LYPD8: variants seen among roughly 807,000 people sequenced by gnomAD.
LYPD8 encodes LY6/PLAUR domain containing 8, also known as ly6/PLAUR domain-containing protein 8.
In LYPD8, 8 loss-of-function variants were observed where a neutral mutation model predicts 1.7. The ratio of observed to expected loss-of-function variants is 4.58; its 90% CI spans 2.69 to 8.27. The LOEUF (loss-of-function observed/expected upper bound fraction) is 8.27. Among genes scored for constraint, LYPD8 ranks in the 30% most tolerant of loss-of-function variants. The probability of loss-of-function intolerance (pLI) is 0.00; values close to 1 mark genes in which losing one functional copy is unlikely to be tolerated. For synonymous variants in LYPD8, 50 were observed against 43.6 expected, an observed-to-expected ratio of 1.15 and a Z score of -0.58; for missense variants, 112 against 102.3, an observed-to-expected ratio of 1.09 and a Z score of -0.41.
Position 248,744,281 on chromosome 1 carries a change from G to C in LYPD8, c.475+861C>G, listed in dbSNP as rs531410845. 7.2e-5 allele frequency among the ~76,000 whole-genome samples: 11 copies of C among 152,322 alleles called. No homozygotes were observed. The South Asian group carries it at 2.3e-3, about 32-fold the overall frequency. ...CATCCAGATACTCACTGAAGTGCCT[G>C]GGCTTGAGATGTCCACCCAAGGGAA... On this transcript the variant is annotated intron_variant, in intron 6 of 6. Coordinates refer to ENST00000590317, the MANE Select transcript of LYPD8 (RefSeq NM_001085474.2).
intron 2 of LYPD8, among the ~76,000 whole-genome samples, chr1:248,754,645 C>T (rs963376754): frequency 1.3e-5 from 2 of 152,092 alleles, no homozygotes; most frequent in African/African-American, 2.4e-5. Context: ...ACACCACACA[C>T]CCTACCCTGA....
In LYPD8 at chr1:248,739,534, G is replaced by A; in HGVS notation, c.*77C>T. 2 of 1,537,130 alleles carry A rather than the reference G, an allele frequency of 1.3e-6. No homozygotes were observed. Among genetic ancestry groups the A allele is most frequent in the South Asian group, 2.4e-5 (2 of 82,874 alleles). On this transcript the variant is annotated 3_prime_UTR_variant, in exon 7 of 7. Coordinates refer to ENST00000590317, the MANE Select transcript of LYPD8 (RefSeq NM_001085474.2). The surrounding 1 kb of genome is among the most constrained non-coding windows in gnomAD (Gnocchi z 4.3). The stretch of plus-strand genomic sequence containing the variant: ...AAACGGGGCAGAGCAGGGAAAGAGG[G>A]TGTCAGCACCGCAGGGGGTGCTCTG...
chr1:248,743,752 A>C (rs560322434), intron 6 of LYPD8, among the ~76,000 whole-genome samples: 1 of 152,260 alleles, frequency 6.6e-6, no homozygotes, highest in Non-Finnish European at 1.5e-5. Context: ...ATTCACATCC[A>C]GGCCCAACCC....
intron 6 of LYPD8, among the ~76,000 whole-genome samples, chr1:248,743,059 G>A (rs1007207624): frequency 1.3e-5 from 2 of 151,022 alleles, no homozygotes; most frequent in Admixed American, 6.6e-5. Flanking sequence ...TGTTGGCAGC[G>A]GGGGAGGTTA....
intron 6 of LYPD8, among the ~76,000 whole-genome samples, chr1:248,741,332 G>C (rs1446605833): frequency 1.3e-5 from 2 of 152,174 alleles, no homozygotes; most frequent in Non-Finnish European, 2.9e-5. Flanking sequence ...TCAGCCCCCT[G>C]AGTAGTACGG....
chr1:248,754,171 CATT>C (rs1286632239), intron 2 of LYPD8, among the ~76,000 whole-genome samples: 2 of 150,342 alleles, frequency 1.3e-5, no homozygotes, highest in African/African-American at 4.9e-5. Context: ...ATGTCACACA[CATT>C]AGGTACACAC....
At chr1:248,753,052 CA>C (rs1662846373) in intron 2 of LYPD8, among the ~76,000 whole-genome samples, 1 of 111,362 alleles carries the variant, frequency 9.0e-6, no homozygotes, top group African/African-American at 4.2e-5. Flanking sequence ...ACACATCACA[CA>C]CACACCCCAC....
intron 4 of LYPD8, 135 bp from the exon 5 acceptor site, chr1:248,748,588 G>A (rs1662750001): frequency 2.5e-6 from 1 of 395,320 alleles, no homozygotes; most frequent in East Asian, 3.6e-5. Context: ...GAAGACACTG[G>A]AGAGGGTTTT....
At chr1:248,751,500 C>T (rs1662802102) in intron 2 of LYPD8, among the ~76,000 whole-genome samples, 1 of 152,068 alleles carries the variant, frequency 6.6e-6, no homozygotes, top group Non-Finnish European at 1.5e-5. Context: ...GCACAATGTC[C>T]CTCCTTCAGC....
intron 2 of LYPD8, among the ~76,000 whole-genome samples, chr1:248,752,629 CCA>C (rs1421720852): frequency 4.5e-5 from 5 of 110,994 alleles, no homozygotes; most frequent in African/African-American, 1.3e-4. Context: ...CACACACACA[CCA>C]CACACCCCAC....
intron 3 of LYPD8, 35 bp from the exon 4 acceptor site, chr1:248,750,678 T>A (rs1662785702): frequency 5.0e-6 from 2 of 398,518 alleles, no homozygotes; most frequent in Admixed American, 8.8e-5. Context: ...CAGTCAACAT[T>A]CAGTAGACAT....
intron 2 of LYPD8, among the ~76,000 whole-genome samples, chr1:248,753,263 TCA>T (rs1488415227): frequency 1.5e-4 from 3 of 20,328 alleles, no homozygotes; most frequent in Admixed American, 5.4e-4. Context: ...ACACACCGCA[TCA>T]CACACACACC....
Position 248,739,552 on chromosome 1 carries a change from G to A in LYPD8, c.*59C>T, listed in dbSNP as rs73148521. Reference sequence around the variant, plus strand: ...AAAGAGGGTGTCAGCACCGCAGGGGGTGCTCTGGACCTCAGAGAAGCAGAA... The same window carrying A: ...AAAGAGGGTGTCAGCACCGCAGGGGATGCTCTGGACCTCAGAGAAGCAGAA... On this transcript the variant is annotated 3_prime_UTR_variant, in exon 7 of 7. Coordinates refer to ENST00000590317, the MANE Select transcript of LYPD8 (RefSeq NM_001085474.2). This position sits in a 1 kb window ranked among gnomAD's most constrained non-coding sequence, Gnocchi z 4.3. 0.015 allele frequency: 23,058 copies of A among 1,547,346 alleles called. 2,840 individuals carry two copies. In the African/African-American group the frequency reaches 0.27, roughly 18 times the overall value.
chr1:248,745,519 G>T (rs1437928809), intron 5 of LYPD8, among the ~76,000 whole-genome samples: 2 of 152,108 alleles, frequency 1.3e-5, no homozygotes, highest in African/African-American at 4.8e-5. Flanking sequence ...AGTGTGTTTG[G>T]GTATAGACTG....
At chr1:248,750,987 A>G in intron 3 of LYPD8, 43 bp downstream of exon 3, 1 of 398,582 alleles carries the variant, frequency 2.5e-6, no homozygotes, top group Non-Finnish European at 4.4e-6. Context: ...GAGGTGGAAA[A>G]GGGGGTCTCC....
intron 2 of LYPD8, among the ~76,000 whole-genome samples, chr1:248,752,161 G>T (rs1260110426): frequency 6.6e-6 from 1 of 152,030 alleles, no homozygotes; most frequent in Non-Finnish European, 1.5e-5. Context: ...CAGTAGCACT[G>T]GCTACATTCC....
intron 6 of LYPD8, among the ~76,000 whole-genome samples, chr1:248,741,362 A>C (rs559125897): frequency 1.3e-5 from 2 of 152,274 alleles, no homozygotes; most frequent in East Asian, 1.9e-4. Context: ...GCGTGCCACC[A>C]CATCTGGCTA....
rs1662710576 is a variant in LYPD8, at chr1:248,745,232, A to G, written c.385T>C (p.Tyr129His). The change falls in exon 6 of 7, where the codon TAT becomes CAT. Residue 129 changes from tyrosine (Y) to histidine (H), a missense_variant. By Grantham distance (83) the Tyr-to-His change is moderately conservative. Transcript: ENST00000590317. ...TGACAGGAAGTTCCATTAGATTCAT[A>G]ACAAGCAGGGCACTCTGCGTTGCTG... ...VSSNAECPAC[Y>H]ESNGTSCHGK... The G allele has an allele frequency of 2.5e-6, 1 of 398,532 alleles. No individual in the cohort carries two copies. 24.7% of individuals were successfully genotyped at this position (398,532 alleles called of 1,614,324 possible). A position where few individuals can be genotyped will look rare whatever the true frequency, so the allele number is the denominator to read the frequency against.
intron 3 of LYPD8, 132 bp downstream of exon 3, chr1:248,750,898 C>T (rs1039339288): frequency 1.5e-5 from 6 of 397,904 alleles, no homozygotes; most frequent in African/African-American, 8.2e-5. Flanking sequence ...GCAGGCTGCA[C>T]GGACAGGTCT....
Sources: allele counts gnomAD v4.1 joint callset (sites outside exome capture counted in the v4.1 genomes callset), GRCh38; gene constraint gnomAD v4.1.1; non-coding constraint Gnocchi (gnomAD v3.1); transcripts MANE v1.5; gene names NCBI Gene and HGNC (gene_info 2026-07-23, HGNC 2026-07-21).